NDUFB4: variants seen among roughly 807,000 people sequenced by gnomAD.
NDUFB4 encodes the protein NADH dehydrogenase [ubiquinone] 1 beta subcomplex subunit 4.
NDUFB4 carries 10 observed loss-of-function variants against 14.5 expected under a neutral mutation model. That is an observed-to-expected ratio of 0.69 (90% CI 0.43 to 1.17). The LOEUF (loss-of-function observed/expected upper bound fraction) is 1.17, where lower values mean the gene tolerates loss of function less well. Among genes scored for constraint, NDUFB4 ranks in the 50% most tolerant of loss-of-function variants. The pLI is 0.00. For synonymous variants in NDUFB4, 65 were observed against 63.4 expected (o/e 1.03, Z -0.12); for missense variants, 165 against 161.1 (o/e 1.02, Z -0.13).
intron 1 of NDUFB4, among the ~76,000 whole-genome samples, chr3:120,598,984 G>A (rs1210005693): frequency 1.3e-5 from 2 of 152,168 alleles, no homozygotes; most frequent in African/African-American, 4.8e-5. Context: ...GGCTTTTGTA[G>A]TAATCCAATC....
At chr3:120,601,623 C>T in intron 2 of NDUFB4, 1 of 1,052,178 alleles carries the variant, frequency 9.5e-7, no homozygotes. Flanking sequence ...GACAGAGAAG[C>T]ACAAGCTGCC....
At chr3:120,598,960 CAGGGAGACT>C (rs1940011852) in intron 1 of NDUFB4, among the ~76,000 whole-genome samples, 1 of 152,088 alleles carries the variant, frequency 6.6e-6, no homozygotes, top group Non-Finnish European at 1.5e-5. Flanking sequence ...AGGACAGGAT[CAGGGAGACT>C]AGGAGGCTTT....
chr3:120,596,391 T>G lies in NDUFB4; in HGVS notation c.32T>G (p.Leu11Arg), dbSNP rs1237476733. The G allele has an allele frequency of 1.2e-6, 2 of 1,614,178 alleles. No individual in the cohort carries two copies. Among genetic ancestry groups the G allele is most frequent in the South Asian group, 1.1e-5 (1 of 91,082 alleles). ...TTCCCAAAGTATAAGCCGTCGAGCCTGCGCACTCTGCCTGAGACCCTCGAC... is the reference window on the plus strand; with the variant it reads ...TTCCCAAAGTATAAGCCGTCGAGCCGGCGCACTCTGCCTGAGACCCTCGAC... MSFPKYKPSSLRTLPETLDPA... is the reference protein window; with the variant it reads MSFPKYKPSSRRTLPETLDPA... The change falls in exon 1 of 3, where the codon CTG becomes CGG. Residue 11 changes from leucine to arginine, a missense_variant. Transcript: ENST00000184266.
At chr3:120,601,994 T>G (rs894208089) in intron 2 of NDUFB4, 152 of 1,306,102 alleles carry the variant, frequency 1.2e-4, no homozygotes, top group Non-Finnish European at 3.0e-5. Context: ...TACTGTGTCT[T>G]TAGTTCCTCG....
chr3:120,601,035 A>T, intron 1 of NDUFB4, 76 bp from the exon 2 acceptor site: 1 of 1,361,878 alleles, frequency 7.3e-7, no homozygotes, highest in East Asian at 2.3e-5. Flanking sequence ...GTGCTCCTTC[A>T]CAAAAGTCCC....
At position 120,596,523 on chromosome 3, in the gene NDUFB4, A is replaced by ACCGC. The variant is rs751344191; in HGVS notation, c.166_169dup (p.Arg57ProfsTer24). The ACCGC allele has an allele frequency of 6.2e-7, 1 of 1,613,464 alleles. No individual in the cohort carries two copies. The highest frequency in any genetic ancestry group is 1.1e-5 in the South Asian group (1 of 90,970). On this transcript the variant is annotated frameshift_variant, in exon 1 of 3. Coordinates refer to ENST00000184266, the MANE Select transcript of NDUFB4 (RefSeq NM_004547.6). LOFTEE classifies it high-confidence loss of function. ...TACCTGCTTCAGTACAACGATCCCA[A>ACCGC]CCGCCGAGGGCTCATCGTGAGTGTG...
At chr3:120,601,070 C>T (rs1272688458) in intron 1 of NDUFB4, 41 bp from the exon 2 acceptor site, 2 of 1,545,474 alleles carry the variant, frequency 1.3e-6, no homozygotes, top group African/African-American at 2.8e-5. Context: ...TCAATGTGAT[C>T]CTTCTTAAGT....
At position 120,602,244 on chromosome 3, in the gene NDUFB4, G is replaced by A; in HGVS notation, c.364G>A (p.Asp122Asn). 6.2e-7 allele frequency: 1 copy of A among 1,610,894 alleles called. No homozygotes were observed. The highest frequency in any genetic ancestry group is 8.5e-7 in the Non-Finnish European group (1 of 1,179,436). Residue 122 changes from aspartate to asparagine, a missense_variant, in exon 3 of 3, where the codon GAT becomes AAT. By Grantham distance (23) the Asp-to-Asn change is conservative. Coordinates refer to ENST00000184266, the MANE Select transcript of NDUFB4 (RefSeq NM_004547.6). ...AAAACTTATCCAGGAAGGAAAATTGGATCGAACATTTCACCTCTCATATTA... is the reference window on the plus strand; with the variant it reads ...AAAACTTATCCAGGAAGGAAAATTGAATCGAACATTTCACCTCTCATATTA... ...KEKLIQEGKL[D>N]RTFHLSY is the part of the protein sequence containing the mutation.
intron 1 of NDUFB4, 87 bp from the exon 2 acceptor site, chr3:120,601,024 T>C (rs1940049318): frequency 8.5e-7 from 1 of 1,169,788 alleles, no homozygotes; most frequent in South Asian, 1.3e-5. Flanking sequence ...AAAATGCGTC[T>C]GTGCTCCTTC....
chr3:120,599,004 T>G (rs1359867557), intron 1 of NDUFB4, among the ~76,000 whole-genome samples: 1 of 152,146 alleles, frequency 6.6e-6, no homozygotes, highest in African/African-American at 2.4e-5. Flanking sequence ...CTCTGTTGAT[T>G]ACCAGGGTGG....
At chr3:120,600,119 TTG>T (rs1468849198) in intron 1 of NDUFB4, among the ~76,000 whole-genome samples, 1,760 of 143,412 alleles carry the variant, frequency 0.012, 44 homozygotes, top group Middle Eastern at 0.021. Context: ...GTTTTTTTTT[TTG>T]TTTTTTTTTT....
chr3:120,597,329 TTAAA>T (rs1648322489), intron 1 of NDUFB4, among the ~76,000 whole-genome samples: 1 of 152,090 alleles, frequency 6.6e-6, no homozygotes, highest in African/African-American at 2.4e-5. Flanking sequence ...CATTATGAGG[TTAAA>T]TAAGACAGTC....
chr3:120,601,541 C>A, intron 2 of NDUFB4: 1 of 1,251,448 alleles, frequency 8.0e-7, no homozygotes, highest in South Asian at 2.4e-5. Context: ...TAGTACGTTT[C>A]CTGTTTGCGT....
Position 120,601,243 on chromosome 3 carries a change from A to G in NDUFB4, c.313A>G (p.Ile105Val), listed in dbSNP as rs778717477. ...FGPLIFIYYI[I>V]KTERDRKEKL... ...GCCCCTCATCTTCATTTATTATATT[A>G]TCAAAACTGAGAGGGTAAGTATTCA... is the stretch of plus-strand genomic sequence containing the variant. Residue 105 changes from isoleucine (I) to valine (V), a missense_variant, in exon 2 of 3, where the codon ATC becomes GTC. By Grantham distance (29) the Ile-to-Val change is conservative. Coordinates refer to ENST00000184266, the MANE Select transcript of NDUFB4 (RefSeq NM_004547.6). 1.1e-5 allele frequency: 17 copies of G among 1,613,988 alleles called. No homozygotes were observed. Among genetic ancestry groups the G allele is most frequent in the Non-Finnish European group, 1.4e-5 (17 of 1,180,016 alleles).
intron 2 of NDUFB4, chr3:120,601,800 C>T: frequency 1.3e-5 from 13 of 1,022,832 alleles, no homozygotes; most frequent in Non-Finnish European, 1.5e-5. Context: ...TTTAACTGGC[C>T]CATCTGCATT....
intron 1 of NDUFB4, among the ~76,000 whole-genome samples, chr3:120,599,948 G>A (rs1940029125): frequency 6.6e-6 from 1 of 151,636 alleles, no homozygotes; most frequent in African/African-American, 2.4e-5. Context: ...AAACAATGCT[G>A]CAGAACACTT....
At chr3:120,596,980 T>C (rs1397332107) in intron 1 of NDUFB4, among the ~76,000 whole-genome samples, 1 of 146,576 alleles carries the variant, frequency 6.8e-6, no homozygotes, top group East Asian at 1.9e-4. Flanking sequence ...ATATATTCTA[T>C]ATATATGCAT....
intron 2 of NDUFB4, chr3:120,601,777 G>C: frequency 9.8e-7 from 1 of 1,017,060 alleles, no homozygotes. Flanking sequence ...GAGCCCACTC[G>C]TCTAGCTTTG....
chr3:120,600,578 A>G (rs1490282658), intron 1 of NDUFB4, among the ~76,000 whole-genome samples: 3 of 152,254 alleles, frequency 2.0e-5, no homozygotes, highest in African/African-American at 7.2e-5. Flanking sequence ...CTTACAGTTC[A>G]GCTAGCCTAC....
Sources: gnomAD v4.1 joint callset for allele counts (sites outside exome capture counted in the v4.1 genomes callset) on GRCh38, gnomAD v4.1.1 for gene constraint, MANE v1.5 for transcripts, NCBI Gene and HGNC (gene_info 2026-07-23, HGNC 2026-07-21) for gene names.